VPS13C: variants seen among roughly 807,000 people sequenced by gnomAD.
VPS13C encodes the protein intermembrane lipid transfer protein VPS13C.
In VPS13C, 358 loss-of-function variants were observed where a neutral mutation model predicts 456.8. The ratio of observed to expected loss-of-function variants is 0.78; its 90% CI spans 0.72 to 0.86. The LOEUF is 0.86. VPS13C is among the 40% of genes least tolerant of loss of function. VPS13C has a pLI of 0.00. For missense variants in VPS13C, 4,818 were observed against 4,385.4 expected (o/e 1.10, Z -2.79); for synonymous variants, 1,578 against 1,486.7 (o/e 1.06, Z -1.41).
intron 19 of VPS13C, 87 bp from the exon 20 acceptor site, chr15:61,984,099 T>C: frequency 1.6e-6 from 2 of 1,283,050 alleles, no homozygotes; most frequent in South Asian, 1.4e-5. Context: ...TTTAAAAACG[T>C]CTTTGAGAAC....
intron 38 of VPS13C, among the ~76,000 whole-genome samples, chr15:61,953,439 T>A (rs1484787516): frequency 1.4e-5 from 2 of 140,202 alleles, no homozygotes; most frequent in Non-Finnish European, 3.0e-5. Flanking sequence ...CCTTCCTGTG[T>A]CCATGTGTCC....
At chr15:61,875,905 GA>G in intron 75 of VPS13C, 60 bp from the exon 76 acceptor site, 1 of 1,154,982 alleles carries the variant, frequency 8.7e-7, no homozygotes, top group East Asian at 2.6e-5. Context: ...ACATCATAAT[GA>G]AATAGAAAAA....
intron 67 of VPS13C, among the ~76,000 whole-genome samples, chr15:61,889,496 A>G (rs1437612415): frequency 6.6e-6 from 1 of 152,100 alleles, no homozygotes; most frequent in Non-Finnish European, 1.5e-5. Context: ...ATTTTGTATC[A>G]TGTCAACCAT....
At chr15:61,891,322 A>T (rs2042643670) in intron 66 of VPS13C, among the ~76,000 whole-genome samples, 1 of 152,140 alleles carries the variant, frequency 6.6e-6, no homozygotes, top group South Asian at 2.1e-4. Context: ...CCAGGGGAGA[A>T]AAAAAAACAA....
intron 81 of VPS13C, chr15:61,865,704 ATATG>A (rs1326009712): frequency 6.4e-5 from 26 of 404,542 alleles, no homozygotes; most frequent in Non-Finnish European, 7.3e-5. Context: ...ATATGTGTGT[ATATG>A]TATGTGTGTA....
chr15:61,869,049 G>A (rs554297241), intron 80 of VPS13C, among the ~76,000 whole-genome samples: 2 of 151,880 alleles, frequency 1.3e-5, no homozygotes, highest in East Asian at 1.9e-4. Flanking sequence ...CACATGGTAG[G>A]TAATAAACAT....
In VPS13C at chr15:62,060,333, G is replaced by C. The variant is rs759466986; in HGVS notation, c.42C>G (p.Phe14Leu). Residue 14 changes from phenylalanine to leucine, a missense_variant, in exon 1 of 85, where the codon TTC (phenylalanine) becomes TTG (leucine). Phe to Leu is a conservative substitution (Grantham distance 22, BLOSUM62 0). Coordinates refer to ENST00000644861, the MANE Select transcript of VPS13C (RefSeq NM_020821.3). The stretch of plus-strand genomic sequence containing the variant: ...TCAGGTTCTCCACATAGTCCCCCAG[G>C]AAGCGGTTCAGCAAGTCCGCGACCA... ...ESVVADLLNR[F>L]LGDYVENLNK... 9 of 1,607,062 alleles carry C rather than the reference G, an allele frequency of 5.6e-6. No homozygotes were observed. In the South Asian group the frequency reaches 1.0e-4, roughly 18 times the overall value.
At chr15:62,041,138 A>T (rs2048227932) in intron 3 of VPS13C, among the ~76,000 whole-genome samples, 186 bp downstream of exon 3, 1 of 151,844 alleles carries the variant, frequency 6.6e-6, no homozygotes, top group African/African-American at 2.4e-5. Context: ...CTTTTGTCAT[A>T]AAAAAAAGAA....
intron 45 of VPS13C, among the ~76,000 whole-genome samples, chr15:61,944,834 GA>G (rs201381681): frequency 6.6e-5 from 10 of 150,500 alleles, no homozygotes; most frequent in East Asian, 1.9e-4. Context: ...ATCTTTCTTT[GA>G]AAAAAAAATA....
intron 6 of VPS13C, 115 bp downstream of exon 6, chr15:62,028,243 T>G (rs2047702568): frequency 9.2e-7 from 1 of 1,085,758 alleles, no homozygotes; most frequent in African/African-American, 1.6e-5. Context: ...AAACAAAAAT[T>G]GCATTTCCAT....
intron 3 of VPS13C, among the ~76,000 whole-genome samples, chr15:62,040,130 T>C (rs1472269130): frequency 6.6e-6 from 1 of 152,132 alleles, no homozygotes; most frequent in East Asian, 1.9e-4. Flanking sequence ...CTTCACATGT[T>C]CTCACTTACT....
intron 21 of VPS13C, among the ~76,000 whole-genome samples, chr15:61,982,154 G>C (rs1478055013): frequency 2.6e-5 from 4 of 152,170 alleles, no homozygotes; most frequent in African/African-American, 7.2e-5. Flanking sequence ...TTCACACACA[G>C]TGTGATTAAC....
chr15:62,008,799 T>A (rs2046942459), intron 13 of VPS13C, 38 bp from the exon 14 acceptor site: 1 of 1,213,398 alleles, frequency 8.2e-7, no homozygotes. Flanking sequence ...TATTACACTG[T>A]ATATATAAAA....
intron 9 of VPS13C, among the ~76,000 whole-genome samples, chr15:62,016,217 G>A (rs1012652443): frequency 1.1e-4 from 16 of 150,892 alleles, no homozygotes; most frequent in African/African-American, 3.4e-4. Flanking sequence ...GTAGTCATAA[G>A]GCAAACTTGT....
intron 66 of VPS13C, among the ~76,000 whole-genome samples, chr15:61,898,694 C>T (rs1473305423): frequency 1.6e-5 from 2 of 123,780 alleles, no homozygotes; most frequent in Non-Finnish European, 3.4e-5. Context: ...GACAGATCAA[C>T]GAGACAGAAA....
In VPS13C at chr15:61,914,878, T is replaced by TTAAAAAAAAAAAAAAA. The variant is rs1455691773; in HGVS notation, c.8445+754_8445+755insTTTTTTTTTTTTTTTA. ...ACCGAGCCTGGCCAAAACTCTGCCT[T>TTAAAAAAAAAAAAAAA]AAAAAAAAAAAAAAAAAAAAAAAAA... On this transcript the variant is annotated intron_variant, in intron 61 of 84. Transcript: ENST00000644861. 2.9e-5 allele frequency among the ~76,000 whole-genome samples: 3 copies of TTAAAAAAAAAAAAAAA among 102,048 alleles called. 1 individual carries two copies. Among genetic ancestry groups the TTAAAAAAAAAAAAAAA allele is most frequent in the African/African-American group, 1.1e-4 (3 of 27,044 alleles). The allele number at this position is 102,048 out of a possible 152,430, so 66.9% of individuals were successfully genotyped here. A position where few individuals can be genotyped will look rare whatever the true frequency, so the allele number is the denominator to read the frequency against.
intron 27 of VPS13C, 139 bp from the exon 28 acceptor site, chr15:61,969,591 A>G: frequency 2.3e-6 from 1 of 429,224 alleles, no homozygotes; most frequent in Non-Finnish European, 3.9e-6. Flanking sequence ...TAGCAATTTA[A>G]TATAATTGGA....
rs1467066304 is a variant in VPS13C at position 61,941,951 on chromosome 15, C to T, written c.5265G>A (p.Leu1755=). 14 of 1,613,940 alleles carry T rather than the reference C, an allele frequency of 8.7e-6. No homozygotes were observed. Among genetic ancestry groups the T allele is most frequent in the Non-Finnish European group, 1.2e-5 (14 of 1,179,918 alleles). ...KDLAQKSFRL[L]MDINLKAPVI... The stretch of plus-strand genomic sequence containing the variant: ...CTGGTGCTTTCAAATTAATATCCAT[C>T]AAAAGGCGGAAACTCTTTTGAGCCA... Residue 1755 remains leucine, a synonymous_variant, in exon 46 of 85, where the codon TTG becomes TTA. Transcript: ENST00000644861.
intron 15 of VPS13C, among the ~76,000 whole-genome samples, chr15:62,001,217 C>A (rs955690430): frequency 6.6e-6 from 1 of 152,140 alleles, no homozygotes; most frequent in African/African-American, 2.4e-5. Flanking sequence ...ATTTTATATA[C>A]GAGAACACTA....
Sources: allele counts gnomAD v4.1 joint callset (sites outside exome capture counted in the v4.1 genomes callset), GRCh38; gene constraint gnomAD v4.1.1; transcripts MANE v1.5; gene names NCBI Gene and HGNC (gene_info 2026-07-23, HGNC 2026-07-21).